Variants in TENM4 observed in about 807,000 individuals in gnomAD.
The protein encoded by TENM4 is teneurin-4.
Under a neutral mutation model 243.3 loss-of-function variants are expected in TENM4, and 82 were observed. That is an observed-to-expected ratio of 0.34 (90% CI 0.28 to 0.40). The LOEUF is 0.40. Among genes scored for constraint, TENM4 ranks in the 10% least tolerant of loss-of-function variants. TENM4 has a pLI of 1.00. For missense variants in TENM4, 3,138 were observed against 3,673.3 expected (o/e 0.85, Z 3.77); for synonymous variants, 1,412 against 1,456.3 (o/e 0.97, Z 0.69).
At chr11:79,118,766 G>A (rs35335278) in intron 4 of TENM4, among the ~76,000 whole-genome samples, 59,594 of 151,988 alleles carry the variant, frequency 0.39, 13,132 homozygotes, top group Non-Finnish European at 0.51. Flanking sequence ...ATACTTCGTT[G>A]CATATATATA....
At chr11:79,125,687 C>T (rs1255523213) in intron 4 of TENM4, among the ~76,000 whole-genome samples, 1 of 152,202 alleles carries the variant, frequency 6.6e-6, no homozygotes, top group Non-Finnish European at 1.5e-5. Context: ...CTGACCCATG[C>T]TGCCCCATCA....
chr11:79,031,679 G>A (rs1424034244), intron 6 of TENM4, among the ~76,000 whole-genome samples: 1 of 152,208 alleles, frequency 6.6e-6, no homozygotes, highest in African/African-American at 2.4e-5. Context: ...AGGACAGTGG[G>A]ACTTGTGAGG....
At chr11:79,078,075 G>A (rs1860577218) in intron 4 of TENM4, among the ~76,000 whole-genome samples, 1 of 152,192 alleles carries the variant, frequency 6.6e-6, no homozygotes, top group Non-Finnish European at 1.5e-5. Flanking sequence ...AGCATTCGCA[G>A]AGAGACTTCC....
intron 25 of TENM4, 76 bp downstream of exon 25, chr11:78,720,294 A>AT: frequency 6.5e-7 from 1 of 1,539,348 alleles, no homozygotes; most frequent in Non-Finnish European, 9.0e-7. Context: ...GCCATTTGAA[A>AT]TTGACATGTG....
At chr11:78,787,527 A>G (rs980292942) in intron 15 of TENM4, among the ~76,000 whole-genome samples, 6 of 152,280 alleles carry the variant, frequency 3.9e-5, no homozygotes, top group East Asian at 1.9e-4. Context: ...CCTTCGCCCA[A>G]TGAAGTGCTT....
rs567974517 is a variant in TENM4 at position 79,386,916 on chromosome 11, C to G, written c.-321+53593G>C. ...ATCCTATAACCCAGAAACTCCACCCCAAGACCAAATTAGTACCAAAAGACA... is the reference window on the plus strand; with the variant it reads ...ATCCTATAACCCAGAAACTCCACCCGAAGACCAAATTAGTACCAAAAGACA... On this transcript the variant is annotated intron_variant, in intron 1 of 33. Coordinates refer to ENST00000278550, the MANE Select transcript of TENM4 (RefSeq NM_001098816.3). Among the ~76,000 whole-genome samples, 113 of 152,212 alleles carry G rather than the reference C, an allele frequency of 7.4e-4. 3 individuals carry two copies. The South Asian group carries it at 0.023, about 31-fold the overall frequency.
intron 1 of TENM4, among the ~76,000 whole-genome samples, chr11:79,320,978 T>C (rs577431395): frequency 6.6e-6 from 1 of 152,336 alleles, no homozygotes; most frequent in African/African-American, 2.4e-5. Flanking sequence ...GGTGGAAGCA[T>C]CCCTGATTCA....
chr11:78,706,200 G>A lies in TENM4; in HGVS notation c.4209+2161C>T, dbSNP rs184038284. On this transcript the variant is annotated intron_variant, in intron 27 of 33. Coordinates refer to ENST00000278550, the MANE Select transcript of TENM4 (RefSeq NM_001098816.3). ...TCTGTACCCCCATTTCTAACAGAGC[G>A]CCTGGCCCATACTAAGTTCTTATTT... 3.8e-3 allele frequency among the ~76,000 whole-genome samples: 582 copies of A among 152,198 alleles called. 1 individual carries two copies. Among genetic ancestry groups the A allele is most frequent in the South Asian group, 0.014 (68 of 4,792 alleles).
chr11:78,913,076 TG>T (rs1311962779), intron 6 of TENM4, among the ~76,000 whole-genome samples: 1 of 152,216 alleles, frequency 6.6e-6, no homozygotes, highest in Non-Finnish European at 1.5e-5. Flanking sequence ...AACCTGTACT[TG>T]TTAATGAACA....
chr11:78,683,946 C>A (rs1295895416), intron 29 of TENM4, among the ~76,000 whole-genome samples: 1 of 152,170 alleles, frequency 6.6e-6, no homozygotes, highest in African/African-American at 2.4e-5. Flanking sequence ...TGGCTGTTTC[C>A]TCTGCACTGC....
chr11:79,075,479 A>G (rs955435020), intron 4 of TENM4, among the ~76,000 whole-genome samples: 1 of 152,260 alleles, frequency 6.6e-6, no homozygotes, highest in Non-Finnish European at 1.5e-5. Flanking sequence ...CTAAATTGGT[A>G]TAAGGGATTG....
intron 3 of TENM4, among the ~76,000 whole-genome samples, chr11:79,165,053 T>C (rs1053217453): frequency 1.3e-5 from 2 of 151,832 alleles, no homozygotes; most frequent in Admixed American, 6.6e-5. Flanking sequence ...TGATGAGCAT[T>C]TGAGCTGGTT....
chr11:79,015,002 G>A lies in TENM4; in HGVS notation c.493+49736C>T, dbSNP rs371495484. Among the ~76,000 whole-genome samples, 34 of 152,318 alleles carry A rather than the reference G, an allele frequency of 2.2e-4. No individual in the cohort carries two copies. In the South Asian group the frequency reaches 6.4e-3, roughly 29 times the overall value. ...GCCCCTTTAGGATCCACTCATCCCT[G>A]TATCTCCAGGCCCTGGCAGAGGGGC... On this transcript the variant is annotated intron_variant, in intron 6 of 33. Coordinates refer to ENST00000278550, the MANE Select transcript of TENM4 (RefSeq NM_001098816.3).
chr11:78,657,080 T>C lies in TENM4; in HGVS notation c.*978A>G, dbSNP rs904145414. The C allele has an allele frequency of 5.0e-6, 2 of 398,666 alleles. No homozygotes were observed. The highest frequency in any genetic ancestry group is 8.8e-6 in the Non-Finnish European group (2 of 226,092). 24.7% of individuals were successfully genotyped at this position (398,666 alleles called of 1,614,324 possible). A position where few individuals can be genotyped will look rare whatever the true frequency, so the allele number is the denominator to read the frequency against. On this transcript the variant is annotated 3_prime_UTR_variant, in exon 34 of 34. Transcript: ENST00000278550. ...GGCAGGCTGGTGCCCTCGCCACCAC[T>C]GCCATGCCTTTGCCATGGGTGGCCT... is the stretch of plus-strand genomic sequence containing the variant.
intron 1 of TENM4, among the ~76,000 whole-genome samples, chr11:79,345,411 T>C (rs896476009): frequency 1.3e-5 from 2 of 152,240 alleles, no homozygotes; most frequent in Non-Finnish European, 2.9e-5. Context: ...AAATTCCATG[T>C]TATTTGATTA....
chr11:79,390,176 G>T (rs1344878386), intron 1 of TENM4, among the ~76,000 whole-genome samples: 2 of 152,154 alleles, frequency 1.3e-5, no homozygotes, highest in Non-Finnish European at 2.9e-5. Context: ...AATAGTGCAG[G>T]GCTTGGCAGC....
At chr11:78,777,262 C>G (rs1407708750) in intron 17 of TENM4, among the ~76,000 whole-genome samples, 3 of 152,102 alleles carry the variant, frequency 2.0e-5, no homozygotes, top group Non-Finnish European at 4.4e-5. Context: ...AGTTGAGGAC[C>G]AGCACATGAA....
At chr11:78,842,262 A>G (rs1469293720) in intron 12 of TENM4, among the ~76,000 whole-genome samples, 1 of 152,184 alleles carries the variant, frequency 6.6e-6, no homozygotes, top group African/African-American at 2.4e-5. Context: ...TCGAAACTCA[A>G]TGCCTCTCCC....
intron 6 of TENM4, among the ~76,000 whole-genome samples, chr11:78,908,087 A>G (rs896705103): frequency 3.9e-5 from 6 of 152,268 alleles, no homozygotes; most frequent in African/African-American, 1.4e-4. Context: ...AATCCTGAAC[A>G]CCGAAACCTC....
Sources: allele counts gnomAD v4.1 joint callset (sites outside exome capture counted in the v4.1 genomes callset), GRCh38; gene constraint gnomAD v4.1.1; transcripts MANE v1.5; gene names NCBI Gene and HGNC (gene_info 2026-07-23, HGNC 2026-07-21).